The following DNAJB13 variants were observed in gnomAD, a reference collection of about 807,000 sequenced individuals.
DNAJB13 encodes the protein dnaJ homolog subfamily B member 13.
Under a neutral mutation model 35.6 loss-of-function variants are expected in DNAJB13, and 22 were observed. The ratio of observed to expected loss-of-function variants is 0.62; its 90% CI spans 0.44 to 0.88. The LOEUF (loss-of-function observed/expected upper bound fraction) is 0.88, where lower values mean the gene tolerates loss of function less well. Among genes scored for constraint, DNAJB13 ranks in the 40% least tolerant of loss-of-function variants. The pLI is 0.00. For synonymous variants in DNAJB13, 136 were observed against 144.2 expected, an observed-to-expected ratio of 0.94 and a Z score of 0.41; for missense variants, 370 against 384.3, an observed-to-expected ratio of 0.96 and a Z score of 0.31.
chr11:73,961,070 T>G (rs1950919276), intron 3 of DNAJB13, among the ~76,000 whole-genome samples: 1 of 152,052 alleles, frequency 6.6e-6, no homozygotes. Context: ...CTGGATTGCT[T>G]GAGTGTAGGA....
At chr11:73,951,893 G>A (rs1950595348) in intron 1 of DNAJB13, among the ~76,000 whole-genome samples, 1 of 152,062 alleles carries the variant, frequency 6.6e-6, no homozygotes, top group Admixed American at 6.5e-5. Context: ...TGATCCACCC[G>A]CCTCAGCCTT....
At chr11:73,955,672 C>G (rs893162492) in intron 1 of DNAJB13, among the ~76,000 whole-genome samples, 2 of 151,982 alleles carry the variant, frequency 1.3e-5, no homozygotes, top group African/African-American at 4.8e-5. Context: ...ACTAAAAATA[C>G]AAAAATTAGC....
rs570240877 is a variant in DNAJB13, at chr11:73,955,307, CTTTTTTT to C, written c.69-2997_69-2991del. 3.3e-3 allele frequency among the ~76,000 whole-genome samples: 441 copies of C among 134,806 alleles called. 2 individuals are homozygous for C. Among genetic ancestry groups the C allele is most frequent in the African/African-American group, 0.01 (378 of 36,216 alleles). The allele number at this position is 134,806 out of a possible 152,430, so 88.4% of individuals were successfully genotyped here. On this transcript the variant is annotated intron_variant, in intron 1 of 7. Coordinates refer to ENST00000339764, the MANE Select transcript of DNAJB13 (RefSeq NM_153614.4). ...ACTAAACCTTTCTCAAACCTTGTTA[CTTTTTTT>C]TTTTTTTTTTTTGAAACGGAGTCTC...
intron 5 of DNAJB13, 72 bp downstream of exon 5, chr11:73,966,323 G>A: frequency 7.1e-7 from 1 of 1,414,054 alleles, no homozygotes. Context: ...AGGAAAGGAA[G>A]GGAAAGGAGG....
chr11:73,970,027 G>T lies in DNAJB13; in HGVS notation c.864G>T (p.Gly288=), dbSNP rs749685682. ...TGCCGGAGGACCCCACTAAGAAAGG[G>T]GATCTCTTCATCTTCTTCGACATCC... The part of the protein sequence containing the change: ...MPLPEDPTKK[G]DLFIFFDIQF... The change falls in exon 8 of 8, where the codon GGG becomes GGT. Residue 288 remains glycine, a synonymous_variant. Transcript: ENST00000339764. 6.2e-7 allele frequency: 1 copy of T among 1,611,780 alleles called. No individual in the cohort carries two copies. Among genetic ancestry groups the T allele is most frequent in the South Asian group, 1.1e-5 (1 of 90,362 alleles).
intron 1 of DNAJB13, among the ~76,000 whole-genome samples, chr11:73,953,301 G>A (rs568398179): frequency 7.4e-4 from 112 of 152,260 alleles, no homozygotes; most frequent in South Asian, 2.1e-3. Flanking sequence ...CGAGGTAGGC[G>A]GATCACGAGG....
chr11:73,968,905 T>C (rs1280763221), intron 6 of DNAJB13, among the ~76,000 whole-genome samples: 1 of 152,152 alleles, frequency 6.6e-6, no homozygotes, highest in Non-Finnish European at 1.5e-5. Context: ...TGCTGTCTAT[T>C]CACCTGACCC....
chr11:73,964,570 C>T lies in DNAJB13; in HGVS notation c.335-308C>T, dbSNP rs770992158. ...GTATCCGAGTTGTGAATAAGAGAGA[C>T]GGGGAAGCGTTGGGCGGGGTGGGGG... On this transcript the variant is annotated intron_variant, in intron 3 of 7. Coordinates refer to ENST00000339764, the MANE Select transcript of DNAJB13 (RefSeq NM_153614.4). 28 of 261,466 alleles carry T rather than the reference C, an allele frequency of 1.1e-4. 1 individual carries two copies. The highest frequency in any genetic ancestry group is 7.1e-5 in the Non-Finnish European group (11 of 155,244). The allele number at this position is 261,466 out of a possible 1,614,324, so 16.2% of individuals were successfully genotyped here. A position where few individuals can be genotyped will look rare whatever the true frequency, so the allele number is the denominator to read the frequency against.
chr11:73,958,491 T>C, intron 2 of DNAJB13, 71 bp downstream of exon 2: 1 of 1,387,228 alleles, frequency 7.2e-7, no homozygotes, highest in Non-Finnish European at 1.0e-6. Flanking sequence ...TGTTGGGTTT[T>C]CTGAGGGGGC....
intron 2 of DNAJB13, 21 bp from the exon 3 acceptor site, chr11:73,959,470 CCTT>C (rs759212996): frequency 6.2e-7 from 1 of 1,610,586 alleles, no homozygotes; most frequent in Admixed American, 1.7e-5. Context: ...TTGGACACCT[CCTT>C]AAGGTGATGC....
At chr11:73,964,765 CTGTGTGTGTGTGTGTGTGTGTGTGTG>C (rs3222042) in intron 3 of DNAJB13, 87 bp from the exon 4 acceptor site, 41 of 659,682 alleles carry the variant, frequency 6.2e-5, no homozygotes, top group African/African-American at 1.2e-4. Context: ...GATAGGGAGG[CTGTGTGTGTGTGTGTGTGTGTGTGTG>C]TGTGTGTGTG....
In DNAJB13 at chr11:73,958,416, T is replaced by A; in HGVS notation, c.168T>A (p.Ser56Arg). 1 of 1,613,990 alleles carries A rather than the reference T, an allele frequency of 6.2e-7. No individual in the cohort carries two copies. Among genetic ancestry groups the A allele is most frequent in the Non-Finnish European group, 8.5e-7 (1 of 1,179,924 alleles). ...RQIAEAYDVL[S>R]DPMKRGIYDK... is the part of the protein sequence containing the mutation. ...TAGCAGAGGCCTACGACGTGCTGAG[T>A]GACCGTGAGTAGGTGTGGGGCTGAG... Residue 56 changes from serine (S) to arginine (R), a missense_variant, in exon 2 of 8, where the codon AGT becomes AGA. Coordinates refer to ENST00000339764, the MANE Select transcript of DNAJB13 (RefSeq NM_153614.4).
intron 3 of DNAJB13, among the ~76,000 whole-genome samples, chr11:73,962,573 T>C (rs1026203589): frequency 1.3e-5 from 2 of 152,056 alleles, no homozygotes; most frequent in Admixed American, 6.6e-5. Flanking sequence ...CTCAGAATCA[T>C]CTTGCAAAGG....
In DNAJB13 at chr11:73,959,476, G is replaced by A; in HGVS notation, c.173-18G>A. Reference sequence around the variant, plus strand: ...CCCCCAAAGTTGGACACCTCCTTAAGGTGATGCCCATCCACAGCCATGAAG... The same window carrying A: ...CCCCCAAAGTTGGACACCTCCTTAAAGTGATGCCCATCCACAGCCATGAAG... On this transcript the variant is annotated intron_variant, in intron 2 of 7. Coordinates refer to ENST00000339764, the MANE Select transcript of DNAJB13 (RefSeq NM_153614.4). 6.2e-7 allele frequency: 1 copy of A among 1,611,830 alleles called. No homozygotes were observed.
intron 3 of DNAJB13, 22 bp from the exon 4 acceptor site, chr11:73,964,856 C>T (rs1468872642): frequency 2.5e-6 from 4 of 1,605,362 alleles, no homozygotes; most frequent in East Asian, 2.3e-5. Context: ...ATTTCTCTTA[C>T]TCCTCTCCCT....
intron 3 of DNAJB13, among the ~76,000 whole-genome samples, chr11:73,963,142 A>G (rs2135320715): frequency 6.6e-6 from 1 of 152,262 alleles, no homozygotes; most frequent in South Asian, 2.1e-4. Flanking sequence ...CCTGACCACC[A>G]TGGAGAAAAC....
chr11:73,952,080 T>C (rs1388319323), intron 1 of DNAJB13, among the ~76,000 whole-genome samples: 2 of 152,260 alleles, frequency 1.3e-5, no homozygotes, highest in Non-Finnish European at 2.9e-5. Flanking sequence ...CCTTACCTCA[T>C]GCAGCTAGAT....
intron 1 of DNAJB13, among the ~76,000 whole-genome samples, chr11:73,954,313 G>A (rs1259017178): frequency 3.3e-5 from 5 of 149,392 alleles, no homozygotes; most frequent in African/African-American, 1.2e-4. Context: ...GTGACAGAGT[G>A]AGACTTCGTC....
chr11:73,964,629 A>G (rs1951029134), intron 3 of DNAJB13: 2 of 462,584 alleles, frequency 4.3e-6, no homozygotes, highest in Admixed American at 3.9e-5. Flanking sequence ...AGCAGTGGGA[A>G]ATGGCAAAGG....
Sources: allele counts gnomAD v4.1 joint callset (sites outside exome capture counted in the v4.1 genomes callset), GRCh38; gene constraint gnomAD v4.1.1; transcripts MANE v1.5; gene names NCBI Gene and HGNC (gene_info 2026-07-23, HGNC 2026-07-21).